TENM1: variants seen among roughly 807,000 people sequenced by gnomAD.
TENM1 encodes the protein teneurin-1.
TENM1 carries 35 observed loss-of-function variants against 174.8 expected under a neutral mutation model. The ratio of observed to expected loss-of-function variants is 0.20; its 90% CI spans 0.15 to 0.27. TENM1 has a LOEUF of 0.27. Among genes scored for constraint, TENM1 ranks in the 10% least tolerant of loss-of-function variants. The pLI is 1.00. For synonymous variants in TENM1, 781 were observed against 798.7 expected, an observed-to-expected ratio of 0.98 and a Z score of 0.37; for missense variants, 1,633 against 2,130.1, an observed-to-expected ratio of 0.77 and a Z score of 4.59.
At chrX:125,051,798 T>C in the TENM1 span, among the ~76,000 whole-genome samples, 1 of 103,168 alleles carries the variant, frequency 9.7e-6, no homozygotes, top group Non-Finnish European at 2.0e-5. Flanking sequence ...GGACTTCATG[T>C]CTAAAACACC....
chrX:124,418,105 T>C (rs1465142880), intron 25 of TENM1, among the ~76,000 whole-genome samples: 1 of 112,611 alleles, frequency 8.9e-6, no homozygotes, highest in Admixed American at 9.4e-5. Context: ...AGTTGGCTTA[T>C]ATCACTTCTT....
chrX:125,112,377 T>C, the TENM1 span, among the ~76,000 whole-genome samples: 3 of 110,088 alleles, frequency 2.7e-5, no homozygotes, highest in African/African-American at 3.3e-5. Flanking sequence ...AAAGTATTTT[T>C]ATGGCCTTTA....
chrX:125,123,892 A>G, the TENM1 span, among the ~76,000 whole-genome samples: 1 of 112,537 alleles, frequency 8.9e-6, no homozygotes, highest in Admixed American at 9.4e-5. Flanking sequence ...TATCGAACAT[A>G]TTTTCCACAT....
chrX:124,757,335 A>C (rs769312365), intron 3 of TENM1, among the ~76,000 whole-genome samples: 1 of 112,694 alleles, frequency 8.9e-6, no homozygotes, highest in East Asian at 2.8e-4. Context: ...CCGTTTTTTA[A>C]GCCCATCAGA....
intron 6 of TENM1, among the ~76,000 whole-genome samples, chrX:124,660,533 A>G (rs1477805082): frequency 8.9e-6 from 1 of 111,953 alleles, no homozygotes; most frequent in Middle Eastern, 4.3e-3. Flanking sequence ...TCAACAATAA[A>G]AAGTTAAATA....
intron 4 of TENM1, among the ~76,000 whole-genome samples, chrX:124,714,654 C>T (rs920786197): frequency 2.6e-4 from 29 of 111,249 alleles, no homozygotes; most frequent in African/African-American, 7.8e-4. Context: ...CAGTACTGTA[C>T]TGGACTTTCC....
chrX:124,740,438 T>TGTAAC (rs1556280530), intron 3 of TENM1, among the ~76,000 whole-genome samples: 2 of 111,429 alleles, frequency 1.8e-5, no homozygotes, highest in African/African-American at 6.6e-5. Context: ...ATAGTATTAT[T>TGTAAC]ATTTCTGTTG....
intron 11 of TENM1, among the ~76,000 whole-genome samples, chrX:124,581,912 T>C (rs2049325350): frequency 9.0e-6 from 1 of 111,693 alleles, no homozygotes; most frequent in Non-Finnish European, 1.9e-5. Context: ...AGTTCCGGGA[T>C]GCATGTGTGG....
At chrX:124,758,435 G>T (rs913788731) in intron 3 of TENM1, among the ~76,000 whole-genome samples, 1 of 111,516 alleles carries the variant, frequency 9.0e-6, no homozygotes, top group Non-Finnish European at 1.9e-5. Context: ...TGCACTGTCG[G>T]TGGGAATGTA....
At chrX:124,756,318 C>T (rs1375351635) in intron 3 of TENM1, among the ~76,000 whole-genome samples, 3 of 103,778 alleles carry the variant, frequency 2.9e-5, no homozygotes, top group East Asian at 3.0e-4. Flanking sequence ...ACGTAGTTCT[C>T]GAGCCTTGGC....
rs371921481 is a variant in TENM1 at position 124,457,837 on chromosome X, T to C, written c.3950-4346A>G. Among the ~76,000 whole-genome samples the C allele has an allele frequency of 3.9e-4, 44 of 112,079 alleles. 1 individual carries two copies. The highest frequency in any genetic ancestry group is 1.4e-3 in the African/African-American group (43 of 30,908). On this transcript the variant is annotated intron_variant, in intron 22 of 31. Transcript: ENST00000422452. ...CTTAATTTTTTAAAATTACAGCTGTTGAGGCCACCTACATTTTTATTATTT... is the reference window on the plus strand; with the variant it reads ...CTTAATTTTTTAAAATTACAGCTGTCGAGGCCACCTACATTTTTATTATTT...
intron 3 of TENM1, among the ~76,000 whole-genome samples, chrX:124,861,704 A>G (rs952352971): frequency 2.0e-4 from 22 of 112,462 alleles, no homozygotes; most frequent in African/African-American, 7.1e-4. Flanking sequence ...TAGTCAGATG[A>G]CATATTAATT....
chrX:124,498,105 G>A (rs978866885), intron 19 of TENM1, among the ~76,000 whole-genome samples: 5 of 111,312 alleles, frequency 4.5e-5, no homozygotes, highest in Non-Finnish European at 9.4e-5. Flanking sequence ...TCTTCCTCTT[G>A]TGTTCCCTAA....
chrX:124,864,976 A>G (rs1029546741), intron 3 of TENM1, among the ~76,000 whole-genome samples: 2 of 111,596 alleles, frequency 1.8e-5, no homozygotes, highest in Non-Finnish European at 3.8e-5. Context: ...AAAGTGCTAA[A>G]GGAAAAAAAA....
chrX:125,072,741 C>G, the TENM1 span, among the ~76,000 whole-genome samples: 1 of 111,186 alleles, frequency 9.0e-6, no homozygotes, highest in African/African-American at 3.3e-5. Flanking sequence ...AAAGAAATTG[C>G]AAGGCAGCAC....
At chrX:124,793,662 T>C (rs1034638477) in intron 3 of TENM1, among the ~76,000 whole-genome samples, 27 of 111,647 alleles carry the variant, frequency 2.4e-4, no homozygotes, top group African/African-American at 6.5e-5. Flanking sequence ...TGTCTTCTTC[T>C]TCATCTGCAA....
intron 14 of TENM1, among the ~76,000 whole-genome samples, chrX:124,557,016 G>A (rs1435390484): frequency 9.0e-6 from 1 of 111,499 alleles, no homozygotes; most frequent in Non-Finnish European, 1.9e-5. Flanking sequence ...GCAAGAAGTA[G>A]TAATGAATTA....
chrX:124,843,828 T>C (rs2056552268), intron 3 of TENM1, among the ~76,000 whole-genome samples: 1 of 111,640 alleles, frequency 9.0e-6, no homozygotes, highest in African/African-American at 3.3e-5. Flanking sequence ...TGTAGTTCCA[T>C]TAACTGAGGG....
chrX:124,674,022 A>G (rs1258180095), intron 5 of TENM1, among the ~76,000 whole-genome samples: 1 of 110,926 alleles, frequency 9.0e-6, no homozygotes, highest in Non-Finnish European at 1.9e-5. Flanking sequence ...AAGGAATGCA[A>G]TGAATTCAGC....
Sources: gnomAD v4.1 joint callset for allele counts (sites outside exome capture counted in the v4.1 genomes callset) on GRCh38, gnomAD v4.1.1 for gene constraint, MANE v1.5 for transcripts, NCBI Gene and HGNC (gene_info 2026-07-23, HGNC 2026-07-21) for gene names.